Variants in NUP210L observed in about 807,000 individuals in gnomAD.
NUP210L encodes the protein nuclear pore membrane glycoprotein 210-like.
Under a neutral mutation model 208.5 loss-of-function variants are expected in NUP210L, and 74 were observed. The observed-to-expected ratio is 0.35, with a 90% CI of 0.29 to 0.43. NUP210L has a LOEUF of 0.43. NUP210L is among the 20% of genes least tolerant of loss of function. The pLI is 1.00. For synonymous variants in NUP210L, 780 were observed against 816.9 expected (o/e 0.95, Z 0.77); for missense variants, 1,843 against 2,289.4 (o/e 0.81, Z 3.98).
chr1:154,144,941 T>G (rs1056918616), intron 2 of NUP210L, among the ~76,000 whole-genome samples: 2 of 152,098 alleles, frequency 1.3e-5, no homozygotes, highest in African/African-American at 4.8e-5. Context: ...AAACTCCGTC[T>G]CTATTAAAAT....
chr1:154,085,014 T>C lies in NUP210L; in HGVS notation c.2361+4407A>G, dbSNP rs1655547171. On this transcript the variant is annotated intron_variant, in intron 16 of 39. Transcript: ENST00000368559. Reference sequence around the variant, plus strand: ...ATCCACCCAATTCGGCCTCCCAAAGTGCTGGGATTACAGGCGTGAGCCACA... The same window carrying C: ...ATCCACCCAATTCGGCCTCCCAAAGCGCTGGGATTACAGGCGTGAGCCACA... Among the ~76,000 whole-genome samples the C allele has an allele frequency of 2.1e-5, 3 of 143,550 alleles. No homozygotes were observed. In the South Asian group the frequency reaches 6.7e-4, roughly 32 times the overall value. 94.2% of individuals were successfully genotyped at this position (143,550 alleles called of 152,430 possible). A position where few individuals can be genotyped will look rare whatever the true frequency, so the allele number is the denominator to read the frequency against.
chr1:154,025,796 A>C, intron 29 of NUP210L, 80 bp from the exon 30 acceptor site: 1 of 1,269,714 alleles, frequency 7.9e-7, no homozygotes, highest in Admixed American at 2.0e-5. Flanking sequence ...TTCCAGGATT[A>C]CTGTTAGGGG....
chr1:154,037,219 G>GT (rs1652605157), intron 27 of NUP210L, among the ~76,000 whole-genome samples: 1 of 152,206 alleles, frequency 6.6e-6, no homozygotes, highest in Non-Finnish European at 1.5e-5. Flanking sequence ...ATAGTGCAGA[G>GT]TAAGTCCGAA....
intron 9 of NUP210L, 88 bp from the exon 10 acceptor site, chr1:154,126,551 G>C: frequency 8.8e-7 from 1 of 1,135,928 alleles, no homozygotes; most frequent in South Asian, 1.8e-5. Flanking sequence ...TAAAACTGTA[G>C]CTATGCATTC....
At chr1:154,045,454 G>T (rs933429787) in intron 27 of NUP210L, among the ~76,000 whole-genome samples, 2 of 152,010 alleles carry the variant, frequency 1.3e-5, no homozygotes, top group South Asian at 4.2e-4. Flanking sequence ...ATAGTCATCT[G>T]CTCACAAATA....
chr1:154,130,805 A>T (rs983552987), intron 7 of NUP210L, among the ~76,000 whole-genome samples: 15 of 151,346 alleles, frequency 9.9e-5, no homozygotes, highest in Admixed American at 9.9e-4. Context: ...GACTGGTCTT[A>T]AACTCCTGGA....
At chr1:154,064,818 T>C (rs754602204) in intron 17 of NUP210L, among the ~76,000 whole-genome samples, 2 of 152,164 alleles carry the variant, frequency 1.3e-5, no homozygotes, top group African/African-American at 2.4e-5. Context: ...CTCATGCCTG[T>C]AATCCCAGCA....
chr1:154,024,480 CTT>C (rs1340954833), intron 30 of NUP210L, among the ~76,000 whole-genome samples: 1 of 152,012 alleles, frequency 6.6e-6, no homozygotes, highest in Admixed American at 6.6e-5. Context: ...TTAAGACTAA[CTT>C]ATCTCTGAGG....
chr1:154,018,031 G>T (rs1651358214), intron 33 of NUP210L, among the ~76,000 whole-genome samples: 1 of 151,548 alleles, frequency 6.6e-6, no homozygotes, highest in Admixed American at 6.6e-5. Flanking sequence ...GAGTACAGTG[G>T]CTTGATGTCA....
chr1:154,132,243 C>T (rs1658299382), intron 7 of NUP210L, among the ~76,000 whole-genome samples: 1 of 152,188 alleles, frequency 6.6e-6, no homozygotes, highest in Admixed American at 6.5e-5. Flanking sequence ...TATAATTTCC[C>T]TAGGTGATTT....
chr1:154,007,750 T>G (rs1269418327), intron 35 of NUP210L, among the ~76,000 whole-genome samples: 2 of 151,310 alleles, frequency 1.3e-5, no homozygotes, highest in Non-Finnish European at 2.9e-5. Context: ...TTTTTTGTAT[T>G]TTTTTAGTGG....
At chr1:154,024,115 G>C (rs989181758) in intron 30 of NUP210L, among the ~76,000 whole-genome samples, 1 of 152,184 alleles carries the variant, frequency 6.6e-6, no homozygotes, top group African/African-American at 2.4e-5. Context: ...CTGTGGGAAT[G>C]TGAAGAGAAG....
intron 22 of NUP210L, 149 bp downstream of exon 22, chr1:154,057,940 G>A: frequency 1.2e-6 from 1 of 845,076 alleles, no homozygotes; most frequent in Non-Finnish European, 1.9e-6. Flanking sequence ...GCTGAATATG[G>A]GAAGAGCGTA....
intron 10 of NUP210L, among the ~76,000 whole-genome samples, chr1:154,120,723 G>C (rs1359235798): frequency 6.6e-6 from 1 of 150,666 alleles, no homozygotes; most frequent in East Asian, 1.9e-4. Context: ...GTGAAACCCC[G>C]TCTCTACCTA....
intron 10 of NUP210L, among the ~76,000 whole-genome samples, chr1:154,124,208 G>A (rs1249933609): frequency 2.1e-5 from 2 of 93,392 alleles, no homozygotes; most frequent in African/African-American, 4.5e-5. Context: ...AAAAAAAAAA[G>A]AGAGAGAGAG....
chr1:154,047,540 C>T (rs955347073), intron 25 of NUP210L, among the ~76,000 whole-genome samples: 8 of 152,228 alleles, frequency 5.3e-5, no homozygotes, highest in Non-Finnish European at 8.8e-5. Context: ...CTGCCTAAGG[C>T]GTTCCTAAGC....
At chr1:154,025,376 G>A (rs1261907947) in intron 30 of NUP210L, among the ~76,000 whole-genome samples, 166 bp downstream of exon 30, 1 of 102,408 alleles carries the variant, frequency 9.8e-6, no homozygotes, top group East Asian at 3.1e-4. Flanking sequence ...TTTTTTTCTG[G>A]TTCATGTTCT....
At chr1:154,060,597 G>A in exon 20 of NUP210L, 1 of 1,613,590 alleles carries the variant, frequency 6.2e-7, no homozygotes, top group Non-Finnish European at 8.5e-7. Context: ...GCTCACTGCT[G>A]TTGACTAAAA....
intron 16 of NUP210L, among the ~76,000 whole-genome samples, chr1:154,077,795 A>C (rs1655118238): frequency 6.6e-6 from 1 of 151,396 alleles, no homozygotes; most frequent in African/African-American, 2.4e-5. Context: ...GACCAGCCTG[A>C]CCAATATGGT....
Sources: gnomAD v4.1 joint callset for allele counts (sites outside exome capture counted in the v4.1 genomes callset) on GRCh38, gnomAD v4.1.1 for gene constraint, MANE v1.5 for transcripts, NCBI Gene and HGNC (gene_info 2026-07-23, HGNC 2026-07-21) for gene names.